The following SLC30A7 variants were observed in gnomAD, a reference collection of about 807,000 sequenced individuals.
The protein encoded by SLC30A7 is zinc transporter 7.
SLC30A7 carries 35 observed loss-of-function variants against 46.0 expected under a neutral mutation model. The observed-to-expected ratio is 0.76, with a 90% CI of 0.58 to 1.01. The LOEUF (loss-of-function observed/expected upper bound fraction) is 1.01. Among genes scored for constraint, SLC30A7 ranks in the 50% least tolerant of loss-of-function variants. The probability of loss-of-function intolerance (pLI) is 0.00; values close to 1 mark genes in which losing one functional copy is unlikely to be tolerated. For synonymous variants in SLC30A7, 147 were observed against 157.8 expected (o/e 0.93, Z 0.51); for missense variants, 464 against 451.1 (o/e 1.03, Z -0.26).
intron 2 of SLC30A7, among the ~76,000 whole-genome samples, chr1:100,902,674 C>T (rs537966706): frequency 1.3e-5 from 2 of 152,308 alleles, no homozygotes; most frequent in East Asian, 1.9e-4. Context: ...TTCTAGTAAT[C>T]TTGGACAGTC....
intron 3 of SLC30A7, among the ~76,000 whole-genome samples, chr1:100,907,458 A>C (rs1187169778): frequency 2.0e-5 from 3 of 152,140 alleles, no homozygotes; most frequent in African/African-American, 7.2e-5. Context: ...ACTACATTGG[A>C]TCATCTTAGA....
intron 8 of SLC30A7, chr1:100,941,705 C>T (rs551100722): frequency 1.6e-6 from 1 of 644,368 alleles, no homozygotes; most frequent in Admixed American, 1.8e-5. Flanking sequence ...CTCTTTGGTT[C>T]CACAACTCTT....
intron 8 of SLC30A7, among the ~76,000 whole-genome samples, chr1:100,932,840 C>T (rs947599331): frequency 4.6e-5 from 7 of 152,242 alleles, no homozygotes; most frequent in African/African-American, 1.7e-4. Context: ...GCCCCCTCTT[C>T]TAAAATTGTT....
chr1:100,972,386 C>A, intron 10 of SLC30A7: 1 of 191,512 alleles, frequency 5.2e-6, no homozygotes, highest in South Asian at 9.8e-5. Context: ...TTAGACTGAG[C>A]TTTTGTGGAA....
At chr1:100,968,052 T>A (rs925070445) in intron 10 of SLC30A7, among the ~76,000 whole-genome samples, 10 of 152,102 alleles carry the variant, frequency 6.6e-5, no homozygotes, top group African/African-American at 2.2e-4. Context: ...ATAAAAAAAA[T>A]TACATATAAA....
At chr1:100,956,564 G>A (rs1655237990) in intron 8 of SLC30A7, among the ~76,000 whole-genome samples, 2 of 152,144 alleles carry the variant, frequency 1.3e-5, no homozygotes, top group Non-Finnish European at 2.9e-5. Flanking sequence ...TCTCCTCAAG[G>A]ATTATTATAG....
intron 8 of SLC30A7, among the ~76,000 whole-genome samples, chr1:100,928,582 T>C (rs900079718): frequency 6.6e-6 from 1 of 152,160 alleles, no homozygotes; most frequent in Non-Finnish European, 1.5e-5. Context: ...GGATTTTTTC[T>C]TTTATTCTGA....
chr1:100,929,746 C>G (rs1653555787), intron 8 of SLC30A7, among the ~76,000 whole-genome samples: 1 of 151,288 alleles, frequency 6.6e-6, no homozygotes, highest in South Asian at 2.1e-4. Context: ...TCTACACAGA[C>G]AAAGGGTGAT....
the SLC30A7 span, chr1:100,990,340 G>A: frequency 2.1e-6 from 3 of 1,421,674 alleles, no homozygotes; most frequent in East Asian, 6.9e-5. Flanking sequence ...CTTGGGTGGG[G>A]ATACATCCAA....
chr1:100,922,240 A>G (rs1050559056), intron 8 of SLC30A7, among the ~76,000 whole-genome samples: 10 of 152,106 alleles, frequency 6.6e-5, no homozygotes, highest in Admixed American at 1.3e-4. Flanking sequence ...CGCTGGGATT[A>G]CAGGCATGAG....
chr1:100,905,990 A>G (rs1207849651), intron 2 of SLC30A7, among the ~76,000 whole-genome samples: 2 of 152,120 alleles, frequency 1.3e-5, no homozygotes, highest in Non-Finnish European at 2.9e-5. Context: ...TAGAGACTGT[A>G]TATGTCCAGA....
At chr1:100,968,996 T>C (rs1656009766) in intron 10 of SLC30A7, among the ~76,000 whole-genome samples, 1 of 152,216 alleles carries the variant, frequency 6.6e-6, no homozygotes, top group Non-Finnish European at 1.5e-5. Flanking sequence ...GTCTTTCTGA[T>C]AAAGAGAAAT....
At chr1:100,900,588 CAT>C (rs1484096042) in intron 2 of SLC30A7, among the ~76,000 whole-genome samples, 1 of 152,076 alleles carries the variant, frequency 6.6e-6, no homozygotes, top group African/African-American at 2.4e-5. Context: ...ACCTTAAAAA[CAT>C]AGATAAATAT....
At chr1:100,944,434 A>G (rs779014847) in intron 8 of SLC30A7, among the ~76,000 whole-genome samples, 1 of 152,142 alleles carries the variant, frequency 6.6e-6, no homozygotes, top group Non-Finnish European at 1.5e-5. Context: ...GCATATTGAG[A>G]TTTTTTAACT....
chr1:100,896,719 A>G (rs141847093), intron 2 of SLC30A7, 48 bp downstream of exon 2: 2 of 1,520,042 alleles, frequency 1.3e-6, no homozygotes, highest in Admixed American at 3.5e-5. Context: ...TGTGAGGGAG[A>G]CGAAGCACTG....
chr1:100,939,473 G>A (rs913972082), intron 8 of SLC30A7, among the ~76,000 whole-genome samples: 3 of 151,938 alleles, frequency 2.0e-5, no homozygotes, highest in Non-Finnish European at 4.4e-5. Context: ...TTTACACAAG[G>A]AATTTAAACC....
rs767603147 is a variant in SLC30A7 at position 100,896,578 on chromosome 1, T to C, written c.89T>C (p.Leu30Pro). 5.5e-5 allele frequency: 88 copies of C among 1,613,914 alleles called. No individual in the cohort carries two copies. Among genetic ancestry groups the C allele is most frequent in the Non-Finnish European group, 7.2e-5 (85 of 1,179,900 alleles). ...GKISGWFRSI[L>P]SDKTSRNLFF... ...ACGTGTATCATTCCCAGGTCTATAC[T>C]GTCCGACAAGACTTCCCGGAACCTG... is the stretch of plus-strand genomic sequence containing the variant. The change falls in exon 2 of 11, where the codon CTG becomes CCG. Residue 30 changes from leucine (L) to proline (P), a missense_variant. Leu to Pro is a moderately conservative substitution (Grantham distance 98). Transcript: ENST00000357650.
At chr1:100,969,561 G>A (rs961334808) in intron 10 of SLC30A7, among the ~76,000 whole-genome samples, 4 of 152,134 alleles carry the variant, frequency 2.6e-5, no homozygotes, top group Non-Finnish European at 4.4e-5. Context: ...AGGTTCTTCC[G>A]GTAACTTTAG....
chr1:100,952,621 T>C (rs900260361), intron 8 of SLC30A7, among the ~76,000 whole-genome samples: 2 of 152,154 alleles, frequency 1.3e-5, no homozygotes, highest in Non-Finnish European at 2.9e-5. Flanking sequence ...CAAAGAGATA[T>C]AGTTCATCTA....
Sources: gnomAD v4.1 joint callset for allele counts (sites outside exome capture counted in the v4.1 genomes callset) on GRCh38, gnomAD v4.1.1 for gene constraint, MANE v1.5 for transcripts, NCBI Gene and HGNC (gene_info 2026-07-23, HGNC 2026-07-21) for gene names.